GSE1: variants seen among roughly 807,000 people sequenced by gnomAD.
GSE1 encodes Gse1 coiled-coil protein, also known as genetic suppressor element 1.
Under a neutral mutation model 112.6 loss-of-function variants are expected in GSE1, and 32 were observed. The observed-to-expected ratio is 0.28, with a 90% CI of 0.21 to 0.38. GSE1 has a LOEUF of 0.38. Ranked by LOEUF, GSE1 falls within the 10% of genes least tolerant of loss-of-function variation. GSE1 has a pLI of 1.00. For synonymous variants in GSE1, 1,115 were observed against 735.6 expected (o/e 1.52, Z -8.35); for missense variants, 2,348 against 1,699.2 (o/e 1.38, Z -6.71).
chr16:85,618,244 C>A (rs2048503504), intron 1 of GSE1, among the ~76,000 whole-genome samples: 3 of 152,056 alleles, frequency 2.0e-5, no homozygotes, highest in Non-Finnish European at 1.5e-5. Flanking sequence ...ATAGATCCTT[C>A]CACTTTAATC....
chr16:85,609,583 C>A (rs1243532877), upstream of GSE1, among the ~76,000 whole-genome samples: 2 of 152,234 alleles, frequency 1.3e-5, no homozygotes, highest in African/African-American at 2.4e-5. Context: ...CGTCTCCAGA[C>A]ACCCCTCTTA....
intron 2 of GSE1, among the ~76,000 whole-genome samples, chr16:85,542,714 G>A (rs748537937): frequency 6.6e-6 from 1 of 152,178 alleles, no homozygotes; most frequent in Non-Finnish European, 1.5e-5. Flanking sequence ...CGTGAAGCCC[G>A]GGGGACTGTC....
chr16:85,606,654 G>A (rs1016091680), upstream of GSE1, among the ~76,000 whole-genome samples: 3 of 152,254 alleles, frequency 2.0e-5, no homozygotes, highest in Non-Finnish European at 4.4e-5. Flanking sequence ...GCAGGACCCA[G>A]CCTGGATGCC....
chr16:85,556,489 C>CA (rs2045219859), intron 1 of GSE1: 1 of 202,908 alleles, frequency 4.9e-6, no homozygotes, highest in African/African-American at 2.4e-5. Flanking sequence ...CGGTGCCCCC[C>CA]GCAGACGCGC....
intron 1 of GSE1, among the ~76,000 whole-genome samples, chr16:85,596,862 C>G (rs892744280): frequency 6.6e-6 from 1 of 152,164 alleles, no homozygotes; most frequent in Non-Finnish European, 1.5e-5. Context: ...GTGGCAAAAC[C>G]CTGTCTCTAC....
intron 2 of GSE1, among the ~76,000 whole-genome samples, chr16:85,448,757 G>A (rs1242384313): frequency 6.6e-6 from 1 of 152,212 alleles, no homozygotes; most frequent in African/African-American, 2.4e-5. Context: ...CTGCAACCCG[G>A]GGCAGGAAAC....
intron 3 of GSE1, among the ~76,000 whole-genome samples, chr16:85,650,251 G>A (rs1475083360): frequency 6.6e-6 from 1 of 152,162 alleles, no homozygotes; most frequent in Non-Finnish European, 1.5e-5. Context: ...TGAGGGAGTT[G>A]TTACCAGCTC....
At position 85,352,689 on chromosome 16, in the gene GSE1, T is replaced by C. The variant is rs568444262; in HGVS notation, c.2284-4774T>C. Among the ~76,000 whole-genome samples the C allele has an allele frequency of 1.5e-3, 236 of 152,312 alleles. 1 individual carries two copies. Among genetic ancestry groups the C allele is most frequent in the Admixed American group, 2.4e-3 (37 of 15,302 alleles). On this transcript the variant is annotated intron_variant, in intron 1 of 2. Coordinates refer to the GSE1 transcript ENST00000637419. The stretch of plus-strand genomic sequence containing the variant: ...TGTTTGATTACCTGGCTGAGAACTT[T>C]TGTCTCCACCTTCAAGATGGTGCTG...
intron 2 of GSE1, among the ~76,000 whole-genome samples, chr16:85,635,209 G>A (rs901815419): frequency 6.6e-5 from 10 of 152,134 alleles, no homozygotes; most frequent in African/African-American, 2.4e-4. Flanking sequence ...GAGAATGGGG[G>A]GAGTGTGAGA....
chr16:85,368,661 C>T (rs1032203861), intron 2 of GSE1, among the ~76,000 whole-genome samples: 3 of 152,202 alleles, frequency 2.0e-5, no homozygotes, highest in Non-Finnish European at 4.4e-5. Context: ...GCCATGCTTG[C>T]ATCACTGTAC....
chr16:85,586,046 G>A (rs2046674666), intron 1 of GSE1, among the ~76,000 whole-genome samples: 2 of 152,206 alleles, frequency 1.3e-5, no homozygotes. Flanking sequence ...GGGCTGGGAG[G>A]GAAGGGTCTG....
intron 1 of GSE1, among the ~76,000 whole-genome samples, chr16:85,289,690 C>T (rs143408836): frequency 9.7e-4 from 148 of 152,182 alleles, no homozygotes; most frequent in African/African-American, 2.9e-3. Flanking sequence ...GTGCAGAGGA[C>T]GGGGTAGAGT....
intron 1 of GSE1, among the ~76,000 whole-genome samples, chr16:85,348,738 T>C (rs1163462247): frequency 1.3e-5 from 2 of 152,188 alleles, no homozygotes; most frequent in Admixed American, 6.5e-5. Context: ...TGCATGTGTT[T>C]CGTGGATTGT....
chr16:85,510,689 C>T (rs1225881667), intron 2 of GSE1, among the ~76,000 whole-genome samples: 1 of 152,216 alleles, frequency 6.6e-6, no homozygotes, highest in African/African-American at 2.4e-5. Context: ...CCTCCCACGG[C>T]TCCCATGCAT....
intron 1 of GSE1, among the ~76,000 whole-genome samples, chr16:85,347,949 G>T (rs1471840964): frequency 6.6e-6 from 1 of 152,222 alleles, no homozygotes; most frequent in Admixed American, 6.5e-5. Flanking sequence ...GTCTTCCAAT[G>T]ACAAGCTTTT....
At chr16:85,189,892 A>G (rs984306785) in intron 1 of GSE1, among the ~76,000 whole-genome samples, 1 of 151,940 alleles carries the variant, frequency 6.6e-6, no homozygotes, top group Admixed American at 6.6e-5. Context: ...ATTGGTGCCT[A>G]CTCTTTTCTT....
intron 1 of GSE1, among the ~76,000 whole-genome samples, chr16:85,560,128 C>CTTTTTTTTTTTTTTTTTTTTTTT (rs377241566): frequency 1.0e-5 from 1 of 99,162 alleles, no homozygotes; most frequent in Non-Finnish European, 1.9e-5. Context: ...TCTTCTTCTT[C>CTTTTTTTTTTTTTTTTTTTTTTT]TTTTTTTTTT....
intron 1 of GSE1, among the ~76,000 whole-genome samples, chr16:85,626,559 C>T (rs2049084930): frequency 6.6e-6 from 1 of 152,204 alleles, no homozygotes; most frequent in African/African-American, 2.4e-5. Flanking sequence ...TGTGCGGGGC[C>T]TGAAAGTGAA....
intron 1 of GSE1, among the ~76,000 whole-genome samples, chr16:85,327,978 T>C (rs1017206855): frequency 6.6e-6 from 1 of 152,146 alleles, no homozygotes; most frequent in African/African-American, 2.4e-5. Flanking sequence ...CTGGTACAGA[T>C]CCCTGGCCAT....
Sources: allele counts gnomAD v4.1 joint callset (sites outside exome capture counted in the v4.1 genomes callset), GRCh38; gene constraint gnomAD v4.1.1; transcripts MANE v1.5; gene names NCBI Gene and HGNC (gene_info 2026-07-23, HGNC 2026-07-21).